The following RELN variants were observed in gnomAD, a reference collection of about 807,000 sequenced individuals.
The protein encoded by RELN is reelin.
Under a neutral mutation model 427.6 loss-of-function variants are expected in RELN, and 108 were observed. The observed-to-expected ratio is 0.25, with a 90% CI of 0.22 to 0.30. The LOEUF (loss-of-function observed/expected upper bound fraction) is 0.30, where lower values mean the gene tolerates loss of function less well. RELN is among the 10% of genes least tolerant of loss of function. The probability of loss-of-function intolerance (pLI) is 1.00; values close to 1 mark genes in which losing one functional copy is unlikely to be tolerated. For missense variants in RELN, 3,715 were observed against 4,302.8 expected, an observed-to-expected ratio of 0.86 and a Z score of 3.82; for synonymous variants, 1,524 against 1,513.4, an observed-to-expected ratio of 1.01 and a Z score of -0.16.
In RELN at chr7:103,636,345, A is replaced by T. The variant is rs568611333; in HGVS notation, c.2193T>A (p.Gly731=). The T allele has an allele frequency of 5.0e-6, 8 of 1,614,038 alleles. No individual in the cohort carries two copies. In the African/African-American group the frequency reaches 6.7e-5, roughly 13 times the overall value. ...SSYHNFYSIR[G]AEVSFGCGVL... ...CACCACAACCAAAGCTGACTTCAGC[A>T]CCACGGATAGAGTAAAAGTTATGGT... The change falls in exon 18 of 65, where the codon GGT becomes GGA. Residue 731 remains glycine, a synonymous_variant. Coordinates refer to ENST00000428762, the MANE Select transcript of RELN (RefSeq NM_005045.4).
chr7:103,540,590 C>T (rs1229780088), intron 43 of RELN, 135 bp from the exon 44 acceptor site: 1 of 763,760 alleles, frequency 1.3e-6, no homozygotes, highest in Non-Finnish European at 2.2e-6. Context: ...GTGTCCAAAG[C>T]AATCACTTCA....
At chr7:103,754,347 A>G (rs1791079131) in intron 4 of RELN, among the ~76,000 whole-genome samples, 1 of 152,070 alleles carries the variant, frequency 6.6e-6, no homozygotes, top group Admixed American at 6.6e-5. Flanking sequence ...CACGGGGCTT[A>G]CATTATACTT....
intron 10 of RELN, among the ~76,000 whole-genome samples, chr7:103,697,044 T>C (rs970888577): frequency 7.2e-5 from 11 of 152,190 alleles, no homozygotes; most frequent in African/African-American, 2.7e-4. Flanking sequence ...TTTGGGCTGC[T>C]ATAACAGAGT....
At chr7:103,635,326 C>T in intron 19 of RELN, 99 bp downstream of exon 19, 1 of 1,338,982 alleles carries the variant, frequency 7.5e-7, no homozygotes, top group Admixed American at 1.8e-5. Context: ...CTCCATCTGT[C>T]AATGGAAAAA....
intron 3 of RELN, among the ~76,000 whole-genome samples, chr7:103,826,963 GA>G: frequency 6.8e-6 from 1 of 147,550 alleles, no homozygotes. Flanking sequence ...CATTACATGA[GA>G]TGAAAAGAAA....
intron 49 of RELN, among the ~76,000 whole-genome samples, chr7:103,517,869 C>G (rs1052587805): frequency 6.6e-6 from 1 of 152,208 alleles, no homozygotes; most frequent in Admixed American, 6.5e-5. Flanking sequence ...GCATGTCCAG[C>G]CTTCCTTGCA....
intron 6 of RELN, among the ~76,000 whole-genome samples, chr7:103,741,476 A>C (rs1790653365): frequency 6.6e-6 from 1 of 152,056 alleles, no homozygotes; most frequent in African/African-American, 2.4e-5. Context: ...GATTATTTTA[A>C]TAATAATAAT....
At chr7:103,734,118 C>T (rs969026425) in intron 6 of RELN, among the ~76,000 whole-genome samples, 2 of 151,980 alleles carry the variant, frequency 1.3e-5, no homozygotes, top group African/African-American at 4.8e-5. Context: ...TGTTTATTGC[C>T]GACGTATAAA....
chr7:103,836,984 T>C (rs1441288012), intron 2 of RELN, among the ~76,000 whole-genome samples: 5 of 152,232 alleles, frequency 3.3e-5, no homozygotes, highest in Non-Finnish European at 1.5e-5. Context: ...GTCTCTTGCT[T>C]TCCTTTGAAA....
At chr7:103,722,490 G>C (rs566892524) in intron 8 of RELN, among the ~76,000 whole-genome samples, 2 of 152,174 alleles carry the variant, frequency 1.3e-5, no homozygotes, top group African/African-American at 4.8e-5. Flanking sequence ...CATTTCCTCT[G>C]TAAATTTATA....
chr7:103,608,949 G>A (rs1012001388), intron 22 of RELN, among the ~76,000 whole-genome samples: 4 of 152,020 alleles, frequency 2.6e-5, no homozygotes, highest in South Asian at 2.1e-4. Flanking sequence ...TAGGCTAGGC[G>A]CGGTGGGTCA....
At position 103,722,100 on chromosome 7, in the gene RELN, A is replaced by G. The variant is rs144261553; in HGVS notation, c.805+1040T>C. ...CTGTCTGTAAATTGTTGTAGGTAAT[A>G]CTGTCAACTGGAGAAGAAAATAACC... On this transcript the variant is annotated intron_variant, in intron 8 of 64. Coordinates refer to ENST00000428762, the MANE Select transcript of RELN (RefSeq NM_005045.4). Among the ~76,000 whole-genome samples the G allele has an allele frequency of 3.3e-5, 5 of 152,350 alleles. No homozygotes were observed. In the East Asian group the frequency reaches 7.7e-4, roughly 23 times the overall value.
intron 28 of RELN, among the ~76,000 whole-genome samples, chr7:103,579,197 A>G (rs188556614): frequency 7.0e-4 from 107 of 152,360 alleles, no homozygotes; most frequent in Non-Finnish European, 1.2e-3. Flanking sequence ...TAAGAAGGAC[A>G]TAGAGAAGAG....
intron 17 of RELN, 36 bp from the exon 18 acceptor site, chr7:103,636,504 T>C: frequency 7.2e-7 from 1 of 1,396,928 alleles, no homozygotes; most frequent in Non-Finnish European, 1.0e-6. Context: ...TCTTAAACTG[T>C]TGGCTGTTTC....
intron 19 of RELN, among the ~76,000 whole-genome samples, chr7:103,631,145 C>G (rs2117336489): frequency 6.6e-6 from 1 of 151,926 alleles, no homozygotes; most frequent in South Asian, 2.1e-4. Flanking sequence ...ACATGACTAT[C>G]ACCATTGATT....
chr7:103,524,741 G>A (rs1829785955), intron 46 of RELN, among the ~76,000 whole-genome samples: 1 of 152,152 alleles, frequency 6.6e-6, no homozygotes, highest in Non-Finnish European at 1.5e-5. Flanking sequence ...TTAGAAAATG[G>A]AGAAGAAACA....
At chr7:103,843,599 A>C (rs1248002779) in intron 2 of RELN, among the ~76,000 whole-genome samples, 1 of 152,226 alleles carries the variant, frequency 6.6e-6, no homozygotes, top group Non-Finnish European at 1.5e-5. Flanking sequence ...ATAAGGCACA[A>C]GCTTAGGCTC....
chr7:103,707,835 A>C (rs551708692), intron 8 of RELN, among the ~76,000 whole-genome samples: 38 of 152,206 alleles, frequency 2.5e-4, no homozygotes, highest in Non-Finnish European at 3.2e-4. Flanking sequence ...TTGGCCTCTC[A>C]GATAAGCAAA....
intron 34 of RELN, among the ~76,000 whole-genome samples, chr7:103,564,435 G>C (rs545240188): frequency 6.6e-6 from 1 of 152,338 alleles, no homozygotes; most frequent in Middle Eastern, 3.4e-3. Flanking sequence ...CTGTGAGTCT[G>C]AGACTGTAGG....
Sources: gnomAD v4.1 joint callset for allele counts (sites outside exome capture counted in the v4.1 genomes callset) on GRCh38, gnomAD v4.1.1 for gene constraint, MANE v1.5 for transcripts, NCBI Gene and HGNC (gene_info 2026-07-23, HGNC 2026-07-21) for gene names.